Variants in CCDC171 observed in about 807,000 individuals in gnomAD.
The protein encoded by CCDC171 is coiled-coil domain containing 171.
Under a neutral mutation model 168.2 loss-of-function variants are expected in CCDC171, and 177 were observed. The observed-to-expected ratio is 1.05, with a 90% confidence interval of 0.93 to 1.19. The LOEUF is 1.19. CCDC171 is among the 50% of genes most tolerant of loss of function. The probability of loss-of-function intolerance (pLI) is 0.00; values close to 1 mark genes in which losing one functional copy is unlikely to be tolerated. For synonymous variants in CCDC171, 687 were observed against 540.8 expected, an observed-to-expected ratio of 1.27 and a Z score of -3.75; for missense variants, 1,991 against 1,539.0, an observed-to-expected ratio of 1.29 and a Z score of -4.91.
intron 25 of CCDC171, among the ~76,000 whole-genome samples, chr9:15,952,544 T>C (rs932386276): frequency 3.9e-5 from 6 of 152,092 alleles, no homozygotes; most frequent in Admixed American, 6.6e-5. Context: ...ACTACAGGCA[T>C]GCACCACCAA....
At chr9:16,002,376 T>C (rs1832576809) in intron 3 of CCDC171, among the ~76,000 whole-genome samples, 1 of 151,964 alleles carries the variant, frequency 6.6e-6, no homozygotes, top group Admixed American at 6.6e-5. Flanking sequence ...ATGTGTGTGT[T>C]TGTGTCTTTG....
intron 14 of CCDC171, 77 bp downstream of exon 14, chr9:15,725,053 A>T: frequency 9.3e-7 from 1 of 1,071,802 alleles, no homozygotes; most frequent in Middle Eastern, 2.1e-4. Context: ...GACTATTTTT[A>T]CTTGTATTTA....
intron 22 of CCDC171, among the ~76,000 whole-genome samples, chr9:15,848,023 C>T (rs542040413): frequency 1.3e-5 from 2 of 151,942 alleles, no homozygotes; most frequent in Non-Finnish European, 2.9e-5. Context: ...CTCCCAGTTT[C>T]ATCATGTCAA....
intron 6 of CCDC171, among the ~76,000 whole-genome samples, chr9:15,603,139 G>A (rs938680972): frequency 5.9e-5 from 9 of 151,780 alleles, no homozygotes; most frequent in Non-Finnish European, 5.9e-5. Flanking sequence ...CCGTCACCAC[G>A]CCCAGCTAAG....
chr9:15,747,139 C>T (rs143636079), intron 18 of CCDC171, among the ~76,000 whole-genome samples: 81 of 152,260 alleles, frequency 5.3e-4, no homozygotes, highest in African/African-American at 1.9e-3. Context: ...ACCAAGTTGC[C>T]GGGAAGCTCA....
rs1822526969 is a variant in CCDC171 at position 15,905,949 on chromosome 9, T to C, written c.3601-14321T>C. Among the ~76,000 whole-genome samples, 3 of 152,100 alleles carry C rather than the reference T, an allele frequency of 2.0e-5. No individual in the cohort carries two copies. The East Asian group carries it at 5.8e-4, about 29-fold the overall frequency. The stretch of plus-strand genomic sequence containing the variant: ...AGAAATGGATGAATTCCTGGACACA[T>C]ACACCCTCCCAAGACTAAACCAGGA... On this transcript the variant is annotated intron_variant, in intron 24 of 25. Coordinates refer to ENST00000380701, the MANE Select transcript of CCDC171 (RefSeq NM_173550.4).
At chr9:15,700,794 G>T (rs963547736) in intron 11 of CCDC171, among the ~76,000 whole-genome samples, 1 of 151,776 alleles carries the variant, frequency 6.6e-6, no homozygotes, top group Non-Finnish European at 1.5e-5. Context: ...CTTATTTTTA[G>T]ATTTTTTGAG....
chr9:15,623,412 A>T lies in CCDC171; in HGVS notation c.821A>T (p.Glu274Val). 6.3e-7 allele frequency: 1 copy of T among 1,590,564 alleles called. No individual in the cohort carries two copies. Among genetic ancestry groups the T allele is most frequent in the Non-Finnish European group, 8.6e-7 (1 of 1,166,572 alleles). The change falls in exon 7 of 26, where the codon GAG becomes GTG. Residue 274 changes from glutamate to valine, a missense_variant and splice_region_variant. Coordinates refer to ENST00000380701, the MANE Select transcript of CCDC171 (RefSeq NM_173550.4). ...GAGGAACGCCTTAGAAAAGAATTTG[A>T]GGTACATTTTCTCATTCCTTTATAA... is the stretch of plus-strand genomic sequence containing the variant. ...QREERLRKEF[E>V]ATTLRVRKLE...
At chr9:15,990,881 C>T (rs572564641) in intron 3 of CCDC171, among the ~76,000 whole-genome samples, 1 of 152,108 alleles carries the variant, frequency 6.6e-6, no homozygotes, top group South Asian at 2.1e-4. Flanking sequence ...GCTAGGTATC[C>T]TAAATATATA....
chr9:15,808,475 T>C (rs986788032), intron 21 of CCDC171, among the ~76,000 whole-genome samples: 1 of 152,120 alleles, frequency 6.6e-6, no homozygotes, highest in Non-Finnish European at 1.5e-5. Flanking sequence ...AATCATTGGA[T>C]GTAAGCTGGA....
the CCDC171 span, among the ~76,000 whole-genome samples, chr9:16,076,320 T>G: frequency 6.6e-6 from 1 of 152,192 alleles, no homozygotes; most frequent in African/African-American, 2.4e-5. Flanking sequence ...ATGCACCTGG[T>G]ACCCCCTGCG....
intron 18 of CCDC171, among the ~76,000 whole-genome samples, chr9:15,762,935 A>C (rs774953964): frequency 6.6e-6 from 1 of 152,146 alleles, no homozygotes; most frequent in Non-Finnish European, 1.5e-5. Flanking sequence ...TGGAGGGAAC[A>C]GTTCCCAAAG....
chr9:15,836,541 C>A (rs1434029664), intron 21 of CCDC171, among the ~76,000 whole-genome samples: 1 of 151,950 alleles, frequency 6.6e-6, no homozygotes, highest in African/African-American at 2.4e-5. Flanking sequence ...TTAGTAGAGA[C>A]GAGGTTTCAC....
chr9:15,751,564 A>G (rs181803830), intron 18 of CCDC171, among the ~76,000 whole-genome samples: 4 of 152,318 alleles, frequency 2.6e-5, no homozygotes, highest in Admixed American at 1.3e-4. Flanking sequence ...AAACAGATAT[A>G]TAGACCAATG....
chr9:15,899,399 A>T (rs1389027677), intron 24 of CCDC171, among the ~76,000 whole-genome samples: 1 of 152,182 alleles, frequency 6.6e-6, no homozygotes, highest in African/African-American at 2.4e-5. Context: ...TTTAATTTTT[A>T]AAAAACTGTC....
chr9:16,104,098 G>C, the CCDC171 span, among the ~76,000 whole-genome samples: 2 of 151,868 alleles, frequency 1.3e-5, no homozygotes, highest in East Asian at 3.9e-4. Flanking sequence ...CTTTCTTCTT[G>C]TTTTCCTCTT....
At chr9:15,872,046 T>A (rs938557345) in intron 23 of CCDC171, among the ~76,000 whole-genome samples, 1 of 151,952 alleles carries the variant, frequency 6.6e-6, no homozygotes, top group Non-Finnish European at 1.5e-5. Flanking sequence ...CTCTTAAAAT[T>A]TTAGTAGAAG....
chr9:15,789,760 C>A (rs1036072839), intron 21 of CCDC171, among the ~76,000 whole-genome samples: 1 of 126,170 alleles, frequency 7.9e-6, no homozygotes, highest in South Asian at 3.1e-4. Context: ...CCTCCCCCCA[C>A]CCTACGACAG....
At chr9:16,051,476 G>A (rs1833748636) in intron 1 of CCDC171, among the ~76,000 whole-genome samples, 1 of 152,160 alleles carries the variant, frequency 6.6e-6, no homozygotes, top group Admixed American at 6.5e-5. Flanking sequence ...TTAGAGAGCT[G>A]TCTCTCTGGG....
Sources: gnomAD v4.1 joint callset for allele counts (sites outside exome capture counted in the v4.1 genomes callset) on GRCh38, gnomAD v4.1.1 for gene constraint, MANE v1.5 for transcripts, NCBI Gene and HGNC (gene_info 2026-07-23, HGNC 2026-07-21) for gene names.